The following C1GALT1 variants were observed in gnomAD, a reference collection of about 807,000 sequenced individuals.
C1GALT1 encodes core 1 synthase, glycoprotein-N-acetylgalactosamine 3-beta-galactosyltransferase 1.
In C1GALT1, 11 loss-of-function variants were observed where a neutral mutation model predicts 31.0. The ratio of observed to expected loss-of-function variants is 0.36; its 90% confidence interval spans 0.22 to 0.59. The LOEUF is 0.59. Ranked by LOEUF, C1GALT1 falls within the 20% of genes least tolerant of loss-of-function variation. The pLI, the probability that C1GALT1 is intolerant of heterozygous loss-of-function variation, is 0.79. For missense variants in C1GALT1, 424 were observed against 425.2 expected (o/e 1.00, Z 0.03); for synonymous variants, 175 against 143.6 (o/e 1.22, Z -1.56).
chr7:7,241,049 A>G (rs1410950566), intron 3 of C1GALT1, among the ~76,000 whole-genome samples: 4 of 151,942 alleles, frequency 2.6e-5, no homozygotes, highest in African/African-American at 9.7e-5. Context: ...TTCACCAGAG[A>G]AGTTGCAGTG....
At chr7:7,204,872 T>C (rs928199095) in intron 1 of C1GALT1, among the ~76,000 whole-genome samples, 3 of 152,198 alleles carry the variant, frequency 2.0e-5, no homozygotes, top group African/African-American at 4.8e-5. Flanking sequence ...TCTAACTTCA[T>C]TGTATTGTGC....
At position 7,227,098 on chromosome 7, in the gene C1GALT1, T is replaced by A. The variant is rs537143828; in HGVS notation, c.-17-7205T>A. Among the ~76,000 whole-genome samples, 19 of 152,298 alleles carry A rather than the reference T, an allele frequency of 1.2e-4. No individual in the cohort carries two copies. The East Asian group carries it at 3.1e-3, about 25-fold the overall frequency. On this transcript the variant is annotated intron_variant, in intron 1 of 3. Coordinates refer to ENST00000436587, the MANE Select transcript of C1GALT1 (RefSeq NM_020156.5). ...ATTTTTAGAGGGATCCTTTAGAGGA[T>A]GGGGGTCATATTACAGATGTCTAGG...
upstream of C1GALT1, among the ~76,000 whole-genome samples, chr7:7,177,789 C>A (rs1441886458): frequency 1.3e-5 from 2 of 152,142 alleles, no homozygotes; most frequent in African/African-American, 2.4e-5. Context: ...ATCAGGTAGA[C>A]CTCATCAGCC....
rs945539587 is a variant in C1GALT1 at position 7,246,538 on chromosome 7, A to G, written c.*2811A>G. ...GGGCCCAAGAGTATGCATTCTTACC[A>G]GATACCTTGGGCAGTGACTGTCAAA... On this transcript the variant is annotated 3_prime_UTR_variant, in exon 4 of 4. Transcript: ENST00000436587. 6.6e-6 allele frequency: 1 copy of G among 152,140 alleles called. No homozygotes were observed. Among genetic ancestry groups the G allele is most frequent in the East Asian group, 1.9e-4 (1 of 5,202 alleles). 9.4% of individuals were successfully genotyped at this position (152,140 alleles called of 1,614,324 possible).
At chr7:7,232,739 C>G (rs1322212083) in intron 1 of C1GALT1, among the ~76,000 whole-genome samples, 1 of 152,152 alleles carries the variant, frequency 6.6e-6, no homozygotes. Context: ...ATCCACCCGC[C>G]TTGGCCTCCC....
At chr7:7,195,590 G>T (rs1387404291) in intron 1 of C1GALT1, among the ~76,000 whole-genome samples, 2 of 152,050 alleles carry the variant, frequency 1.3e-5, no homozygotes, top group South Asian at 2.1e-4. Context: ...TTTGTGTCCT[G>T]TCGTGGTCTG....
intron 1 of C1GALT1, among the ~76,000 whole-genome samples, chr7:7,193,083 A>T (rs1184200753): frequency 6.6e-6 from 1 of 152,022 alleles, no homozygotes; most frequent in East Asian, 1.9e-4. Flanking sequence ...TAGTTTACCA[A>T]GATTTTCTCC....
At chr7:7,239,302 A>G (rs1783515515) in intron 3 of C1GALT1, among the ~76,000 whole-genome samples, 1 of 152,188 alleles carries the variant, frequency 6.6e-6, no homozygotes, top group South Asian at 2.1e-4. Context: ...GGGGATGGAG[A>G]GTGACCCAGA....
At chr7:7,227,714 C>T (rs1454464005) in intron 1 of C1GALT1, among the ~76,000 whole-genome samples, 18 of 113,690 alleles carry the variant, frequency 1.6e-4, no homozygotes, top group South Asian at 4.6e-4. Flanking sequence ...AGCGAGACTC[C>T]GTCTCAAAAA....
At chr7:7,182,368 G>A (rs1780620393), upstream of C1GALT1, among the ~76,000 whole-genome samples, 1 of 152,196 alleles carries the variant, frequency 6.6e-6, no homozygotes, top group African/African-American at 2.4e-5. Context: ...GCCGCAAGGG[G>A]GATACAACAA....
intron 2 of C1GALT1, among the ~76,000 whole-genome samples, chr7:7,164,891 TA>T (rs1780375556): frequency 6.6e-6 from 1 of 152,250 alleles, no homozygotes; most frequent in South Asian, 2.1e-4. Flanking sequence ...GGCAAACCAT[TA>T]CAGTGTTCAC....
In C1GALT1 at chr7:7,224,261, T is replaced by G. The variant is rs562899924; in HGVS notation, c.-17-10042T>G. ...CTGAGAAGGGTAGTAGTCTGTAGTT[T>G]TTTTTGGTTTTTTTTTTGTACTGTC... On this transcript the variant is annotated intron_variant, in intron 1 of 3. Transcript: ENST00000436587. 1.3e-4 allele frequency among the ~76,000 whole-genome samples: 19 copies of G among 151,280 alleles called. No homozygotes were observed. In the South Asian group the frequency reaches 3.9e-3, roughly 31 times the overall value.
chr7:7,241,603 C>G (rs1783632935), intron 3 of C1GALT1, among the ~76,000 whole-genome samples: 1 of 151,888 alleles, frequency 6.6e-6, no homozygotes, highest in Non-Finnish European at 1.5e-5. Flanking sequence ...TAAACTATTT[C>G]CATAGGTATG....
intron 1 of C1GALT1, among the ~76,000 whole-genome samples, chr7:7,200,549 C>T (rs544249484): frequency 2.6e-5 from 4 of 152,214 alleles, no homozygotes; most frequent in African/African-American, 9.6e-5. Flanking sequence ...GCCTGCCTCG[C>T]TAGATTGGGG....
intron 1 of C1GALT1, among the ~76,000 whole-genome samples, chr7:7,221,917 C>G (rs1385163815): frequency 6.6e-6 from 1 of 152,130 alleles, no homozygotes; most frequent in African/African-American, 2.4e-5. Context: ...GAAGACAGCC[C>G]TTAACCAATG....
chr7:7,242,171 G>A (rs1783659284), intron 3 of C1GALT1, among the ~76,000 whole-genome samples: 1 of 149,390 alleles, frequency 6.7e-6, no homozygotes. Context: ...TGTTAAAACA[G>A]TATGATGAAC....
intron 2 of C1GALT1, among the ~76,000 whole-genome samples, chr7:7,237,246 C>T (rs1783403866): frequency 6.6e-6 from 1 of 152,206 alleles, no homozygotes; most frequent in Admixed American, 6.5e-5. Flanking sequence ...GGGAAGTACT[C>T]ATCTAGAATC....
Position 7,238,218 on chromosome 7 carries a change from C to T in C1GALT1, c.221-37C>T. 3 of 1,483,024 alleles carry T rather than the reference C, an allele frequency of 2.0e-6. No homozygotes were observed. Among genetic ancestry groups the T allele is most frequent in the Non-Finnish European group, 2.7e-6 (3 of 1,097,986 alleles). The allele number at this position is 1,483,024 out of a possible 1,614,324, so 91.9% of individuals were successfully genotyped here. On this transcript the variant is annotated intron_variant, in intron 2 of 3. Coordinates refer to ENST00000436587, the MANE Select transcript of C1GALT1 (RefSeq NM_020156.5). This position sits in a 1 kb window ranked among gnomAD's most constrained non-coding sequence, Gnocchi z 5.2. ...ATTTATTAATATTTGGATTTTACAT[C>T]TATGTAAATAACCTTTTAAAATGTT...
At chr7:7,231,769 A>G (rs1783085747) in intron 1 of C1GALT1, among the ~76,000 whole-genome samples, 2 of 151,672 alleles carry the variant, frequency 1.3e-5, no homozygotes, top group Non-Finnish European at 2.9e-5. Context: ...GTGTATCAAA[A>G]TTTTGTCCAT....
Sources: gnomAD v4.1 joint callset for allele counts (sites outside exome capture counted in the v4.1 genomes callset) on GRCh38, gnomAD v4.1.1 for gene constraint, Gnocchi (gnomAD v3.1) non-coding constraint, MANE v1.5 for transcripts, NCBI Gene and HGNC (gene_info 2026-07-23, HGNC 2026-07-21) for gene names.